The following PPM1L variants were observed in gnomAD, a reference collection of about 807,000 sequenced individuals.
PPM1L encodes protein phosphatase 1L.
In PPM1L, 13 loss-of-function variants were observed where a neutral mutation model predicts 31.4. That is an observed-to-expected ratio of 0.41 (90% CI 0.27 to 0.66). PPM1L has a LOEUF of 0.66. PPM1L is among the 30% of genes least tolerant of loss of function. PPM1L has a pLI of 0.29. For missense variants in PPM1L, 326 were observed against 453.7 expected (o/e 0.72, Z 2.56); for synonymous variants, 184 against 175.4 (o/e 1.05, Z -0.39).
intron 1 of PPM1L, among the ~76,000 whole-genome samples, chr3:160,776,445 A>G (rs995210975): frequency 6.6e-6 from 1 of 152,168 alleles, no homozygotes; most frequent in Non-Finnish European, 1.5e-5. Context: ...TTCCCTTGGC[A>G]GTGTTGAATC....
At chr3:160,926,657 G>GT (rs1714603628) in intron 1 of PPM1L, among the ~76,000 whole-genome samples, 1 of 152,196 alleles carries the variant, frequency 6.6e-6, no homozygotes, top group African/African-American at 2.4e-5. Context: ...CTCTGATTAA[G>GT]TAGGGGGATG....
At chr3:161,007,778 C>G (rs1717761001) in intron 2 of PPM1L, among the ~76,000 whole-genome samples, 1 of 152,064 alleles carries the variant, frequency 6.6e-6, no homozygotes, top group African/African-American at 2.4e-5. Flanking sequence ...TTGGTTTTTA[C>G]TGTGAGCAAG....
At chr3:160,773,211 C>T (rs1711500923) in intron 1 of PPM1L, among the ~76,000 whole-genome samples, 1 of 152,128 alleles carries the variant, frequency 6.6e-6, no homozygotes, top group South Asian at 2.1e-4. Flanking sequence ...GAAGCAGTAT[C>T]TCAATGTAGT....
intron 1 of PPM1L, among the ~76,000 whole-genome samples, chr3:160,931,539 A>G (rs1388488865): frequency 6.6e-6 from 1 of 152,250 alleles, no homozygotes; most frequent in African/African-American, 2.4e-5. Flanking sequence ...ATGCCCAATT[A>G]TAAATTGTGC....
intron 1 of PPM1L, among the ~76,000 whole-genome samples, chr3:160,862,079 G>A (rs990291245): frequency 5.3e-5 from 8 of 152,118 alleles, no homozygotes; most frequent in African/African-American, 1.9e-4. Flanking sequence ...TAGGGACTAG[G>A]GCGTGGACAT....
intron 1 of PPM1L, among the ~76,000 whole-genome samples, chr3:160,887,761 T>G (rs1449656238): frequency 1.3e-5 from 2 of 151,862 alleles, no homozygotes; most frequent in Non-Finnish European, 2.9e-5. Flanking sequence ...TTTTTTGTAT[T>G]TTTAGTAGAG....
chr3:160,936,349 C>T (rs1448104549), intron 1 of PPM1L, among the ~76,000 whole-genome samples: 1 of 152,146 alleles, frequency 6.6e-6, no homozygotes, highest in Non-Finnish European at 1.5e-5. Context: ...CCTCGGCCTC[C>T]CAAAGTGCTG....
At chr3:160,792,769 G>A (rs573551290) in intron 1 of PPM1L, among the ~76,000 whole-genome samples, 2 of 152,284 alleles carry the variant, frequency 1.3e-5, no homozygotes, top group East Asian at 3.9e-4. Context: ...AGAACTTAGG[G>A]AAGTACCATA....
rs540033743 is a variant in PPM1L, at chr3:160,905,379, G to A, written c.400-56357G>A. Among the ~76,000 whole-genome samples the A allele has an allele frequency of 3.3e-5, 5 of 152,252 alleles. No homozygotes were observed. The South Asian group carries it at 1.0e-3, about 32-fold the overall frequency. On this transcript the variant is annotated intron_variant, in intron 1 of 3. Coordinates refer to ENST00000498165, the MANE Select transcript of PPM1L (RefSeq NM_139245.4). ...TTGGAACATTATATTCTTACAGGTT[G>A]ACACTGATTTATTGATAAGCTCTGA...
intron 2 of PPM1L, among the ~76,000 whole-genome samples, chr3:160,982,357 G>A (rs754885924): frequency 4.0e-5 from 6 of 151,774 alleles, no homozygotes; most frequent in African/African-American, 1.5e-4. Context: ...TTTTTATAGC[G>A]GCATCCTAAA....
intron 2 of PPM1L, among the ~76,000 whole-genome samples, chr3:160,994,307 C>G (rs1717233581): frequency 6.6e-6 from 1 of 152,100 alleles, no homozygotes; most frequent in Non-Finnish European, 1.5e-5. Context: ...TGGCAGCAGC[C>G]TTGGCAGGAT....
intron 2 of PPM1L, among the ~76,000 whole-genome samples, chr3:161,030,732 A>G (rs771388114): frequency 6.6e-6 from 1 of 152,142 alleles, no homozygotes; most frequent in Non-Finnish European, 1.5e-5. Flanking sequence ...CTCCTTCCCC[A>G]TAGATAGCAT....
At chr3:160,784,820 T>C (rs898847167) in intron 1 of PPM1L, among the ~76,000 whole-genome samples, 1 of 152,200 alleles carries the variant, frequency 6.6e-6, no homozygotes, top group East Asian at 1.9e-4. Flanking sequence ...GAAAGTACTT[T>C]TATTTGTCCC....
At position 160,765,309 on chromosome 3, in the gene PPM1L, C is replaced by T. The variant is rs143573308; in HGVS notation, c.399+8602C>T. 5.3e-3 allele frequency among the ~76,000 whole-genome samples: 804 copies of T among 152,278 alleles called. 2 individuals are homozygous for T. Among genetic ancestry groups the T allele is most frequent in the Non-Finnish European group, 8.2e-3 (557 of 68,012 alleles). On this transcript the variant is annotated intron_variant, in intron 1 of 3. Transcript: ENST00000498165. ...CTGTTCCATCAGTTTTTGGTTGAAG[C>T]CCTACAGATCTCCTAATTTGGTCAA...
intron 1 of PPM1L, among the ~76,000 whole-genome samples, chr3:160,910,266 T>TTCCCCC (rs1713920953): frequency 1.0e-5 from 1 of 98,360 alleles, no homozygotes. Context: ...CCCTTTCCCC[T>TTCCCCC]TCCCCTTCCC....
chr3:160,875,414 TTAATTC>T (rs1195921856), intron 1 of PPM1L, among the ~76,000 whole-genome samples: 1 of 152,230 alleles, frequency 6.6e-6, no homozygotes, highest in Non-Finnish European at 1.5e-5. Flanking sequence ...GCTAAATCCA[TTAATTC>T]TAAGATGTTG....
chr3:160,803,524 T>A (rs1292119673), intron 1 of PPM1L, among the ~76,000 whole-genome samples: 1 of 109,892 alleles, frequency 9.1e-6, no homozygotes, highest in South Asian at 2.8e-4. Flanking sequence ...TTTAGAGAGA[T>A]CACTGGTAAT....
At chr3:160,834,756 A>G (rs951122291) in intron 1 of PPM1L, among the ~76,000 whole-genome samples, 4 of 152,172 alleles carry the variant, frequency 2.6e-5, no homozygotes, top group Admixed American at 2.6e-4. Context: ...CTCATGTATC[A>G]ATAGCTTGTT....
intron 2 of PPM1L, among the ~76,000 whole-genome samples, chr3:161,022,757 G>A (rs774181123): frequency 1.5e-4 from 22 of 148,848 alleles, no homozygotes; most frequent in Middle Eastern, 3.7e-3. Flanking sequence ...TCCACCTCCT[G>A]GGTACACACC....
Sources: allele counts gnomAD v4.1 joint callset (sites outside exome capture counted in the v4.1 genomes callset), GRCh38; gene constraint gnomAD v4.1.1; transcripts MANE v1.5; gene names NCBI Gene and HGNC (gene_info 2026-07-23, HGNC 2026-07-21).